MYH10: variants seen among roughly 807,000 people sequenced by gnomAD.
The protein encoded by MYH10 is myosin heavy chain 10.
Under a neutral mutation model 257.8 loss-of-function variants are expected in MYH10, and 55 were observed. The ratio of observed to expected loss-of-function variants is 0.21; its 90% CI spans 0.17 to 0.27. The LOEUF (loss-of-function observed/expected upper bound fraction) is 0.27, where lower values mean the gene tolerates loss of function less well. MYH10 is among the 10% of genes least tolerant of loss of function. The probability of loss-of-function intolerance (pLI) is 1.00; values close to 1 mark genes in which losing one functional copy is unlikely to be tolerated. For synonymous variants in MYH10, 854 were observed against 921.7 expected, an observed-to-expected ratio of 0.93 and a Z score of 1.33; for missense variants, 1,631 against 2,500.6, an observed-to-expected ratio of 0.65 and a Z score of 7.42.
At chr17:8,488,536 C>T (rs1332896942) in intron 35 of MYH10, among the ~76,000 whole-genome samples, 4 of 152,086 alleles carry the variant, frequency 2.6e-5, no homozygotes, top group Admixed American at 2.0e-4. Context: ...ATACCTGCAC[C>T]CTATGTAGTG....
chr17:8,579,171 C>T (rs2083608031), intron 4 of MYH10, among the ~76,000 whole-genome samples: 1 of 151,900 alleles, frequency 6.6e-6, no homozygotes, highest in African/African-American at 2.4e-5. Context: ...CCCAGCTACT[C>T]AGGAGGCTGA....
chr17:8,607,232 A>T (rs926465943), intron 2 of MYH10, among the ~76,000 whole-genome samples: 29 of 152,224 alleles, frequency 1.9e-4, no homozygotes, highest in African/African-American at 6.8e-4. Context: ...ATTTTATAAA[A>T]GGCATGTAAT....
chr17:8,487,836 T>G (rs1182229516), intron 35 of MYH10, among the ~76,000 whole-genome samples: 1 of 152,154 alleles, frequency 6.6e-6, no homozygotes, highest in Non-Finnish European at 1.5e-5. Context: ...TACGAGGGCA[T>G]GCGAGAAGGC....
chr17:8,591,732 G>T (rs1198359180), intron 3 of MYH10, among the ~76,000 whole-genome samples: 1 of 152,140 alleles, frequency 6.6e-6, no homozygotes, highest in African/African-American at 2.4e-5. Context: ...CTACACTACA[G>T]CCTGCTGCAT....
At chr17:8,612,419 A>G (rs1408201250) in intron 2 of MYH10, among the ~76,000 whole-genome samples, 1 of 152,244 alleles carries the variant, frequency 6.6e-6, no homozygotes. Flanking sequence ...AATCATCACA[A>G]GAAGAGTACA....
At chr17:8,481,848 C>T (rs145610450) in intron 37 of MYH10, among the ~76,000 whole-genome samples, 62 of 152,342 alleles carry the variant, frequency 4.1e-4, no homozygotes, top group African/African-American at 1.0e-3. Context: ...CAGACCAGTG[C>T]GGATCCAGGC....
At chr17:8,537,980 A>AGG (rs2082189240) in intron 14 of MYH10, among the ~76,000 whole-genome samples, 1 of 152,230 alleles carries the variant, frequency 6.6e-6, no homozygotes, top group Non-Finnish European at 1.5e-5. Flanking sequence ...CTGGCAAGGC[A>AGG]GGGGCTGGGA....
intron 28 of MYH10, 30 bp from the exon 29 acceptor site, chr17:8,501,000 A>T: frequency 6.3e-7 from 1 of 1,591,676 alleles, no homozygotes; most frequent in Non-Finnish European, 8.5e-7. Context: ...AAGAGAGATC[A>T]GAATTAGCTG....
chr17:8,503,458 A>G (rs1036937686), intron 28 of MYH10, among the ~76,000 whole-genome samples: 2 of 152,018 alleles, frequency 1.3e-5, no homozygotes, highest in African/African-American at 4.8e-5. Flanking sequence ...ATCATGGCAA[A>G]CATTCCAAGG....
At chr17:8,492,069 A>G (rs1293464340) in intron 34 of MYH10, among the ~76,000 whole-genome samples, 1 of 152,174 alleles carries the variant, frequency 6.6e-6, no homozygotes, top group Non-Finnish European at 1.5e-5. Flanking sequence ...AAACATGTTC[A>G]CCTCCAGCCA....
At chr17:8,610,716 C>A (rs1228797661) in intron 2 of MYH10, among the ~76,000 whole-genome samples, 2 of 152,210 alleles carry the variant, frequency 1.3e-5, no homozygotes, top group Non-Finnish European at 2.9e-5. Context: ...CCGCCTTCTC[C>A]CATGGAATGA....
chr17:8,608,417 C>T (rs908940927), intron 2 of MYH10, among the ~76,000 whole-genome samples: 2 of 152,162 alleles, frequency 1.3e-5, no homozygotes, highest in Admixed American at 1.3e-4. Context: ...CCATTAAAGA[C>T]CGAAGTCAAA....
intron 4 of MYH10, among the ~76,000 whole-genome samples, chr17:8,580,289 T>C (rs2083654631): frequency 6.6e-6 from 1 of 152,092 alleles, no homozygotes; most frequent in African/African-American, 2.4e-5. Context: ...GGTTTTTTTT[T>C]TAGGTAAACT....
intron 4 of MYH10, among the ~76,000 whole-genome samples, chr17:8,578,647 A>G (rs551111985): frequency 1.3e-5 from 2 of 152,294 alleles, no homozygotes; most frequent in African/African-American, 4.8e-5. Flanking sequence ...TTTACAAGCA[A>G]GGCTGGCACA....
intron 1 of MYH10, 143 bp from the exon 2 acceptor site, chr17:8,623,420 T>C: frequency 1.5e-6 from 1 of 664,676 alleles, no homozygotes; most frequent in African/African-American, 1.9e-5. Flanking sequence ...ACAGCCATAC[T>C]AACCGAGTTT....
chr17:8,514,850 A>G (rs956075714), intron 21 of MYH10, among the ~76,000 whole-genome samples: 9 of 152,172 alleles, frequency 5.9e-5, no homozygotes, highest in East Asian at 3.9e-4. Flanking sequence ...CTCAGAACTT[A>G]GCGGCTTTTC....
At chr17:8,605,691 G>T (rs1430528017) in intron 2 of MYH10, among the ~76,000 whole-genome samples, 3 of 152,142 alleles carry the variant, frequency 2.0e-5, no homozygotes, top group Admixed American at 6.5e-5. Flanking sequence ...GCTGCAGTAA[G>T]CCTAGATCGC....
intron 40 of MYH10, among the ~76,000 whole-genome samples, chr17:8,479,731 CCTT>C: frequency 6.6e-6 from 1 of 152,344 alleles, no homozygotes; most frequent in Middle Eastern, 3.4e-3. Context: ...TTAAGCAATC[CCTT>C]CTATGGGGAG....
At chr17:8,629,323 G>T (rs1214375025) in intron 1 of MYH10, among the ~76,000 whole-genome samples, 1 of 151,872 alleles carries the variant, frequency 6.6e-6, no homozygotes, top group African/African-American at 2.4e-5. Flanking sequence ...CATCTACCCC[G>T]CCTGCTTTCC....
Sources: gnomAD v4.1 joint callset for allele counts (sites outside exome capture counted in the v4.1 genomes callset) on GRCh38, gnomAD v4.1.1 for gene constraint, MANE v1.5 for transcripts, NCBI Gene and HGNC (gene_info 2026-07-23, HGNC 2026-07-21) for gene names.